The following SYTL4 variants were observed in gnomAD, a reference collection of about 807,000 sequenced individuals.
SYTL4 encodes synaptotagmin like 4, also known as synaptotagmin-like protein 4.
Under a neutral mutation model 52.7 loss-of-function variants are expected in SYTL4, and 16 were observed. That is an observed-to-expected ratio of 0.30 (90% CI 0.21 to 0.46). The LOEUF (loss-of-function observed/expected upper bound fraction) is 0.46, where lower values mean the gene tolerates loss of function less well. SYTL4 is among the 20% of genes least tolerant of loss of function. SYTL4 has a pLI of 1.00. For missense variants in SYTL4, 423 were observed against 519.9 expected, an observed-to-expected ratio of 0.81 and a Z score of 1.81; for synonymous variants, 160 against 186.6, an observed-to-expected ratio of 0.86 and a Z score of 1.16.
At chrX:100,682,574 G>T (rs995802306) in intron 16 of SYTL4, among the ~76,000 whole-genome samples, 2 of 110,069 alleles carry the variant, frequency 1.8e-5, no homozygotes, top group African/African-American at 6.6e-5. Context: ...CGACGGGGTG[G>T]TGTGGGCCTA....
chrX:100,689,285 G>A (rs1358001187), intron 12 of SYTL4, among the ~76,000 whole-genome samples: 2 of 106,720 alleles, frequency 1.9e-5, no homozygotes, highest in East Asian at 3.0e-4. Context: ...TGAGGTGGGA[G>A]GACAGCTTGA....
intron 2 of SYTL4, among the ~76,000 whole-genome samples, chrX:100,728,301 G>T (rs896631777): frequency 2.7e-5 from 3 of 112,225 alleles, no homozygotes; most frequent in Non-Finnish European, 5.6e-5. Context: ...AGAGATTCTG[G>T]CCTCTTCCTT....
rs1475538971 is a variant in SYTL4, at chrX:100,674,969, C to G, written c.*1059G>C. On this transcript the variant is annotated 3_prime_UTR_variant, in exon 20 of 20. Coordinates refer to ENST00000372989, the MANE Select transcript of SYTL4 (RefSeq NM_001370165.1). ...AGTCAGAATAACAGGGAGACTCTGT[C>G]TACATTCCCTTAGAGCCCTTAACAG... 1.8e-5 allele frequency: 2 copies of G among 111,899 alleles called. No homozygotes were observed. The highest frequency in any genetic ancestry group is 3.8e-5 in the Non-Finnish European group (2 of 53,226). 9.2% of individuals were successfully genotyped at this position (111,899 alleles called of 1,213,427 possible).
intron 16 of SYTL4, 141 bp from the exon 17 acceptor site, chrX:100,681,476 C>T (rs778106596): frequency 1.5e-5 from 7 of 461,890 alleles, no homozygotes; most frequent in Non-Finnish European, 2.6e-5. Context: ...ATATAATCCA[C>T]CGTCCCTAGG....
At position 100,679,395 on chromosome X, in the gene SYTL4, C is replaced by G. The variant is rs941039264; in HGVS notation, c.1576G>C (p.Gly526Arg). ...TCTTTGATCCACACCTGGAGCTCTC[C>G]CCCTTCCCCACCTTTACCTGTAAGG... ...DRKKSKGGEG[G>R]ELQVWIKEAK... Residue 526 changes from glycine to arginine, a missense_variant, in exon 18 of 20, where the codon GGA (glycine) becomes CGA (arginine). Coordinates refer to ENST00000372989, the MANE Select transcript of SYTL4 (RefSeq NM_001370165.1). The G allele has an allele frequency of 2.5e-6, 3 of 1,209,222 alleles. No individual in the cohort carries two copies. The African/African-American group carries it at 5.2e-5, about 21-fold the overall frequency.
chrX:100,707,993 C>T (rs1477880040), intron 2 of SYTL4, among the ~76,000 whole-genome samples: 1 of 107,982 alleles, frequency 9.3e-6, no homozygotes, highest in Non-Finnish European at 1.9e-5. Context: ...AACCAAACAC[C>T]GCATGTTCTC....
In SYTL4 at chrX:100,681,362, C is replaced by A. The variant is rs748718034; in HGVS notation, c.1450-27G>T. The A allele has an allele frequency of 3.6e-6, 4 of 1,117,130 alleles. No individual in the cohort carries two copies. The South Asian group carries it at 7.7e-5, about 22-fold the overall frequency. 92.1% of individuals were successfully genotyped at this position (1,117,130 alleles called of 1,213,427 possible). On this transcript the variant is annotated intron_variant, in intron 16 of 19. Coordinates refer to ENST00000372989, the MANE Select transcript of SYTL4 (RefSeq NM_001370165.1). ...TGAAACACAGGGAAACCCAACAGGT[C>A]AAGCTGGGCTTCTCAAGAATTGTTG...
intron 9 of SYTL4, 96 bp from the exon 10 acceptor site, chrX:100,690,734 G>C (rs1158871975): frequency 1.5e-6 from 1 of 648,557 alleles, no homozygotes; most frequent in Non-Finnish European, 2.3e-6. Flanking sequence ...CAATGGCTTG[G>C]GTCATCGTAA....
At chrX:100,714,158 T>C (rs958031038) in intron 2 of SYTL4, among the ~76,000 whole-genome samples, 2 of 112,112 alleles carry the variant, frequency 1.8e-5, no homozygotes, top group African/African-American at 6.5e-5. Flanking sequence ...TAATATTAAA[T>C]GTAACTAAAC....
chrX:100,676,021 C>T lies in SYTL4; in HGVS notation c.*7G>A. 1.7e-6 allele frequency: 2 copies of T among 1,208,091 alleles called. No homozygotes were observed. The highest frequency in any genetic ancestry group is 2.2e-6 in the Non-Finnish European group (2 of 893,909). On this transcript the variant is annotated 3_prime_UTR_variant, in exon 20 of 20. Coordinates refer to ENST00000372989, the MANE Select transcript of SYTL4 (RefSeq NM_001370165.1). ...CCAGGGCTGGACCTGCAGAAGAGGA[C>T]AGGGACTCATAAACCCAGCTTCTGC... is the stretch of plus-strand genomic sequence containing the variant.
Position 100,674,919 on chromosome X carries a change from G to T in SYTL4, c.*1109C>A, listed in dbSNP as rs1378790840. Reference sequence around the variant, plus strand: ...AATTTAGGAAACAATAGCAAAAACAGGAACTGAAAGCTCATCAAGCAGGAA... The same window carrying T: ...AATTTAGGAAACAATAGCAAAAACATGAACTGAAAGCTCATCAAGCAGGAA... On this transcript the variant is annotated 3_prime_UTR_variant, in exon 20 of 20. Transcript: ENST00000372989. The T allele has an allele frequency of 1.8e-5, 2 of 111,608 alleles. No individual in the cohort carries two copies. Among genetic ancestry groups the T allele is most frequent in the Non-Finnish European group, 3.8e-5 (2 of 53,117 alleles). The allele number at this position is 111,608 out of a possible 1,213,427, so 9.2% of individuals were successfully genotyped here.
chrX:100,711,491 T>C (rs1433953722), intron 2 of SYTL4, among the ~76,000 whole-genome samples: 1 of 111,432 alleles, frequency 9.0e-6, no homozygotes, highest in Non-Finnish European at 1.9e-5. Flanking sequence ...ATCAAACCTA[T>C]GGATAAAAGG....
chrX:100,706,711 C>T (rs1364987442), intron 2 of SYTL4, among the ~76,000 whole-genome samples: 2 of 111,722 alleles, frequency 1.8e-5, no homozygotes, highest in Non-Finnish European at 3.8e-5. Flanking sequence ...AATTAACAGA[C>T]TGGATAAAAG....
intron 2 of SYTL4, among the ~76,000 whole-genome samples, chrX:100,711,462 G>A (rs1275207584): frequency 9.0e-6 from 1 of 111,543 alleles, no homozygotes; most frequent in Non-Finnish European, 1.9e-5. Context: ...GGGGACATGG[G>A]AGATGTAAAA....
chrX:100,719,095 C>T (rs1356615494), intron 2 of SYTL4, among the ~76,000 whole-genome samples: 1 of 111,341 alleles, frequency 9.0e-6, no homozygotes, highest in African/African-American at 3.3e-5. Flanking sequence ...CTCACCTGGC[C>T]GGTTTTCACT....
At chrX:100,690,002 T>G in intron 11 of SYTL4, 43 bp from the exon 12 acceptor site, 1 of 1,152,317 alleles carries the variant, frequency 8.7e-7, no homozygotes. Flanking sequence ...AGACCTATTC[T>G]TCTCCATACC....
chrX:100,691,301 G>C (rs1426535327), intron 8 of SYTL4, 92 bp from the exon 9 acceptor site: 1 of 563,629 alleles, frequency 1.8e-6, no homozygotes, highest in East Asian at 3.6e-5. Flanking sequence ...ATCGTAGCCT[G>C]AGTGATCTTT....
At chrX:100,718,996 C>T (rs2084284851) in intron 2 of SYTL4, among the ~76,000 whole-genome samples, 2 of 110,405 alleles carry the variant, frequency 1.8e-5, no homozygotes, top group Non-Finnish European at 3.8e-5. Context: ...CAGGGTTTCA[C>T]CATGTTGGCC....
chrX:100,693,542 T>C (rs772450448), intron 8 of SYTL4, among the ~76,000 whole-genome samples: 2 of 112,260 alleles, frequency 1.8e-5, no homozygotes, highest in South Asian at 7.4e-4. Context: ...ACCACCATCA[T>C]GTAGCTCTTG....
Sources: gnomAD v4.1 joint callset for allele counts (sites outside exome capture counted in the v4.1 genomes callset) on GRCh38, gnomAD v4.1.1 for gene constraint, MANE v1.5 for transcripts, NCBI Gene and HGNC (gene_info 2026-07-23, HGNC 2026-07-21) for gene names.